TRDN: variants seen among roughly 807,000 people sequenced by gnomAD.
TRDN encodes triadin.
In TRDN, 161 loss-of-function variants were observed where a neutral mutation model predicts 149.7. The ratio of observed to expected loss-of-function variants is 1.08; its 90% CI spans 0.95 to 1.23. The LOEUF is 1.23. Among genes scored for constraint, TRDN ranks in the 50% most tolerant of loss-of-function variants. The pLI is 0.00. For synonymous variants in TRDN, 294 were observed against 250.5 expected (o/e 1.17, Z -1.64); for missense variants, 896 against 823.5 (o/e 1.09, Z -1.08).
At chr6:123,405,792 A>G (rs1773169695) in intron 12 of TRDN, among the ~76,000 whole-genome samples, 1 of 152,162 alleles carries the variant, frequency 6.6e-6, no homozygotes, top group African/African-American at 2.4e-5. Flanking sequence ...CCTTTCACCA[A>G]TGGCCCCATA....
At chr6:123,475,174 GA>G (rs1201996232) in intron 9 of TRDN, among the ~76,000 whole-genome samples, 1 of 149,174 alleles carries the variant, frequency 6.7e-6, no homozygotes, top group African/African-American at 2.5e-5. Context: ...GACTAATAAA[GA>G]AAAAAAGAGA....
At chr6:123,229,460 G>GA in intron 38 of TRDN, among the ~76,000 whole-genome samples, 1 of 152,036 alleles carries the variant, frequency 6.6e-6, no homozygotes, top group East Asian at 1.9e-4. Flanking sequence ...CTACACTTAA[G>GA]AAAAGTGTTA....
intron 38 of TRDN, among the ~76,000 whole-genome samples, chr6:123,242,080 A>C (rs1776009039): frequency 6.6e-6 from 1 of 152,188 alleles, no homozygotes; most frequent in Non-Finnish European, 1.5e-5. Flanking sequence ...CATTGGGATA[A>C]ATATCTTGCC....
At chr6:123,374,361 G>A (rs924625947) in intron 19 of TRDN, among the ~76,000 whole-genome samples, 1 of 151,988 alleles carries the variant, frequency 6.6e-6, no homozygotes, top group African/African-American at 2.4e-5. Flanking sequence ...CTCTCCCAGT[G>A]CTACAAAATT....
At chr6:123,619,420 C>G (rs1785267660) in intron 1 of TRDN, among the ~76,000 whole-genome samples, 1 of 152,084 alleles carries the variant, frequency 6.6e-6, no homozygotes, top group South Asian at 2.1e-4. Flanking sequence ...AGGTCTTGGT[C>G]TCTTTCATTA....
chr6:123,381,491 C>T, intron 15 of TRDN, 101 bp from the exon 16 acceptor site: 1 of 1,110,504 alleles, frequency 9.0e-7, no homozygotes. Flanking sequence ...CCCCTCCTTC[C>T]AATTTTCTCT....
intron 9 of TRDN, among the ~76,000 whole-genome samples, chr6:123,474,296 G>A (rs1231859592): frequency 2.6e-5 from 4 of 152,102 alleles, no homozygotes; most frequent in Non-Finnish European, 5.9e-5. Flanking sequence ...TGCAATCCTA[G>A]TCTCTGATAA....
intron 4 of TRDN, among the ~76,000 whole-genome samples, chr6:123,543,490 C>T (rs911782540): frequency 6.6e-6 from 1 of 152,140 alleles, no homozygotes; most frequent in Non-Finnish European, 1.5e-5. Flanking sequence ...ATTGTACCGT[C>T]GTGAATCTTA....
At chr6:123,235,765 C>A (rs920920830) in intron 38 of TRDN, among the ~76,000 whole-genome samples, 2 of 152,130 alleles carry the variant, frequency 1.3e-5, no homozygotes, top group Non-Finnish European at 2.9e-5. Context: ...TGAGCTGTAA[C>A]CCAATGGAAG....
At position 123,246,723 on chromosome 6, in the gene TRDN, C is replaced by T. The variant is rs148748168; in HGVS notation, c.1975+5689G>A. On this transcript the variant is annotated intron_variant, in intron 38 of 40. Coordinates refer to ENST00000334268, the MANE Select transcript of TRDN (RefSeq NM_006073.4). ...AACAATAGAATAAGAAGGACTCTTC[C>T]CTAGCTCATTTTATAAGGTATAAGG... Among the ~76,000 whole-genome samples the T allele has an allele frequency of 7.9e-5, 12 of 151,982 alleles. No individual in the cohort carries two copies. The East Asian group carries it at 2.3e-3, about 29-fold the overall frequency.
At chr6:123,251,378 G>GT (rs1231818231) in intron 38 of TRDN, among the ~76,000 whole-genome samples, 1 of 151,980 alleles carries the variant, frequency 6.6e-6, no homozygotes, top group African/African-American at 2.4e-5. Context: ...AAAATGTAGT[G>GT]TAAGTGTAAA....
At chr6:123,601,541 T>C (rs1405930588) in intron 1 of TRDN, among the ~76,000 whole-genome samples, 1 of 152,124 alleles carries the variant, frequency 6.6e-6, no homozygotes, top group African/African-American at 2.4e-5. Flanking sequence ...CTCCAGTTAC[T>C]CCACATGCCC....
chr6:123,429,534 T>G (rs1280156448), intron 12 of TRDN, among the ~76,000 whole-genome samples: 1 of 152,158 alleles, frequency 6.6e-6, no homozygotes, highest in Non-Finnish European at 1.5e-5. Context: ...AAAATTTGCC[T>G]GGATATTTCA....
intron 24 of TRDN, among the ~76,000 whole-genome samples, chr6:123,297,768 G>A (rs540712155): frequency 6.6e-6 from 1 of 151,966 alleles, no homozygotes; most frequent in Non-Finnish European, 1.5e-5. Flanking sequence ...ATATGGAGAA[G>A]AATAGAATAT....
intron 1 of TRDN, among the ~76,000 whole-genome samples, chr6:123,623,740 T>G (rs376450023): frequency 7.6e-4 from 116 of 152,286 alleles, no homozygotes; most frequent in African/African-American, 2.7e-3. Flanking sequence ...TTTAGAAACA[T>G]TCTTCAAATG....
chr6:123,266,299 T>G lies in TRDN; in HGVS notation c.1784-961A>C, dbSNP rs192024885. On this transcript the variant is annotated intron_variant, in intron 32 of 40. Transcript: ENST00000334268. ...TATATATTATATGTAATATGTATTA[T>G]ATATAATTATATGTAATATGTATTA... Among the ~76,000 whole-genome samples, 982 of 101,974 alleles carry G rather than the reference T, an allele frequency of 9.6e-3. 252 individuals are homozygous for G. Among genetic ancestry groups the G allele is most frequent in the African/African-American group, 0.049 (953 of 19,538 alleles). 66.9% of individuals were successfully genotyped at this position (101,974 alleles called of 152,430 possible).
chr6:123,383,262 T>C (rs1179522432), intron 14 of TRDN, among the ~76,000 whole-genome samples: 1 of 152,088 alleles, frequency 6.6e-6, no homozygotes, highest in South Asian at 2.1e-4. Context: ...AATTGTTTTA[T>C]GTAACAATAA....
intron 22 of TRDN, 133 bp from the exon 23 acceptor site, chr6:123,332,062 G>C: frequency 1.6e-6 from 1 of 619,774 alleles, no homozygotes; most frequent in South Asian, 2.5e-5. Context: ...CTTTAAAAAT[G>C]GTTTTACTCA....
intron 37 of TRDN, among the ~76,000 whole-genome samples, chr6:123,254,127 T>A (rs1776469824): frequency 6.6e-6 from 1 of 152,092 alleles, no homozygotes; most frequent in Non-Finnish European, 1.5e-5. Flanking sequence ...CCATACATTT[T>A]CTAATTAATT....
Sources: allele counts gnomAD v4.1 joint callset (sites outside exome capture counted in the v4.1 genomes callset), GRCh38; gene constraint gnomAD v4.1.1; transcripts MANE v1.5; gene names NCBI Gene and HGNC (gene_info 2026-07-23, HGNC 2026-07-21).